EIF5B: variants seen among roughly 807,000 people sequenced by gnomAD.
The protein encoded by EIF5B is eIF-5B.
In EIF5B, 47 loss-of-function variants were observed where a neutral mutation model predicts 147.5. That is an observed-to-expected ratio of 0.32 (90% CI 0.25 to 0.41). EIF5B has a LOEUF of 0.41. EIF5B is among the 10% of genes least tolerant of loss of function. The pLI is 1.00. For missense variants in EIF5B, 1,064 were observed against 1,413.2 expected, an observed-to-expected ratio of 0.75 and a Z score of 3.96; for synonymous variants, 455 against 456.2, an observed-to-expected ratio of 1.00 and a Z score of 0.03.
At chr2:99,394,965 C>G in intron 21 of EIF5B, 82 bp downstream of exon 21, 1 of 1,300,198 alleles carries the variant, frequency 7.7e-7, no homozygotes, top group South Asian at 1.5e-5. Context: ...GGGCTGTAAA[C>G]AGCAAAATCA....
At chr2:99,384,196 C>CAAAAAAAAAAAAAAAA (rs770493783) in intron 14 of EIF5B, among the ~76,000 whole-genome samples, 1 of 117,510 alleles carries the variant, frequency 8.5e-6, no homozygotes, top group Non-Finnish European at 1.7e-5. Context: ...GACTCCGTCT[C>CAAAAAAAAAAAAAAAA]AAAAAAAAAA....
At chr2:99,338,055 A>G (rs2094248165) in intron 1 of EIF5B, among the ~76,000 whole-genome samples, 1 of 152,172 alleles carries the variant, frequency 6.6e-6, no homozygotes, top group South Asian at 2.1e-4. Context: ...CGTTAGAGTT[A>G]TGGGGAGGTG....
intron 1 of EIF5B, among the ~76,000 whole-genome samples, chr2:99,347,099 G>C (rs554364204): frequency 2.0e-5 from 3 of 152,116 alleles, no homozygotes; most frequent in East Asian, 3.9e-4. Context: ...TTGATCTCCT[G>C]GGCTTAAGTG....
In EIF5B at chr2:99,369,338, A is replaced by T. The variant is rs1221565152; in HGVS notation, c.1388-54A>T. On this transcript the variant is annotated intron_variant, in intron 7 of 23. Transcript: ENST00000289371. ...TATTCAGTACTTAATGGAGTATCTTAACAGAAATTATACACCAAAAAAAAT... is the reference window on the plus strand; with the variant it reads ...TATTCAGTACTTAATGGAGTATCTTTACAGAAATTATACACCAAAAAAAAT... 4.2e-6 allele frequency: 6 copies of T among 1,424,992 alleles called. No individual in the cohort carries two copies. The African/African-American group carries it at 8.6e-5, about 20-fold the overall frequency. The allele number at this position is 1,424,992 out of a possible 1,614,324, so 88.3% of individuals were successfully genotyped here.
chr2:99,362,826 T>G (rs902896153), intron 4 of EIF5B, among the ~76,000 whole-genome samples: 4 of 151,888 alleles, frequency 2.6e-5, no homozygotes, highest in Admixed American at 1.3e-4. Flanking sequence ...TGACACGATC[T>G]CAGCTCACTG....
At chr2:99,370,664 G>T (rs1674428034) in intron 8 of EIF5B, among the ~76,000 whole-genome samples, 1 of 152,148 alleles carries the variant, frequency 6.6e-6, no homozygotes, top group Non-Finnish European at 1.5e-5. Context: ...ACTTATGCAG[G>T]CTTGTTAGTA....
chr2:99,382,977 G>C (rs1674722304), intron 14 of EIF5B, 56 bp downstream of exon 14: 1 of 1,507,272 alleles, frequency 6.6e-7, no homozygotes, highest in African/African-American at 1.4e-5. Context: ...AATTTTTTGT[G>C]ATTAAAAAAA....
At chr2:99,352,755 G>A (rs1673998956) in intron 1 of EIF5B, among the ~76,000 whole-genome samples, 1 of 152,014 alleles carries the variant, frequency 6.6e-6, no homozygotes, top group Non-Finnish European at 1.5e-5. Flanking sequence ...GATTACAGGC[G>A]TGAGCTACTG....
chr2:99,382,900 C>A lies in EIF5B; in HGVS notation c.2250C>A (p.Pro750=). 6.2e-7 allele frequency: 1 copy of A among 1,609,332 alleles called. No homozygotes were observed. The highest frequency in any genetic ancestry group is 8.5e-7 in the Non-Finnish European group (1 of 1,178,620). The change falls in exon 14 of 24, where the codon CCC becomes CCA. Residue 750 remains proline, a synonymous_variant. Coordinates refer to ENST00000289371, the MANE Select transcript of EIF5B (RefSeq NM_015904.4). The part of the protein sequence containing the change: ...SINLLKSKKC[P]FIVALNKIDR... ...ACCTTCTCAAATCTAAAAAATGTCC[C>A]TTCATTGTTGCACTCAATAAGGTAT... is the stretch of plus-strand genomic sequence containing the variant.
Position 99,338,219 on chromosome 2 carries a change from G to T in EIF5B, c.35+630G>T, listed in dbSNP as rs1028975966. On this transcript the variant is annotated intron_variant, in intron 1 of 23. Coordinates refer to ENST00000289371, the MANE Select transcript of EIF5B (RefSeq NM_015904.4). The stretch of plus-strand genomic sequence containing the variant: ...GCTCTCTAGCCTTCCCCTAAGAAAG[G>T]AAGGGAAGAAGAAGAAACCAACCAA... 12 of 853,784 alleles carry T rather than the reference G, an allele frequency of 1.4e-5. No homozygotes were observed. The Admixed American group carries it at 2.6e-4, about 18-fold the overall frequency. 52.9% of individuals were successfully genotyped at this position (853,784 alleles called of 1,614,324 possible).
intron 17 of EIF5B, 23 bp from the exon 18 acceptor site, chr2:99,392,943 TA>T: frequency 7.1e-7 from 1 of 1,417,780 alleles, no homozygotes; most frequent in Non-Finnish European, 9.3e-7. Context: ...GTACATTTGG[TA>T]ACAAATGTTT....
At chr2:99,381,035 G>C (rs183174736) in intron 12 of EIF5B, among the ~76,000 whole-genome samples, 2 of 152,070 alleles carry the variant, frequency 1.3e-5, no homozygotes, top group Non-Finnish European at 2.9e-5. Flanking sequence ...GCCTATGATC[G>C]TTTTACATCT....
intron 6 of EIF5B, among the ~76,000 whole-genome samples, chr2:99,366,006 G>T (rs555339764): frequency 1.3e-5 from 2 of 152,298 alleles, no homozygotes; most frequent in South Asian, 4.1e-4. Flanking sequence ...GTAGGCATCT[G>T]CAGGTGTCTT....
At position 99,360,408 on chromosome 2, in the gene EIF5B, G is replaced by A. The variant is rs774127825; in HGVS notation, c.161+47G>A. The A allele has an allele frequency of 3.1e-6, 5 of 1,595,136 alleles. No individual in the cohort carries two copies. The East Asian group carries it at 1.1e-4, about 36-fold the overall frequency. ...TTGATTTTTATTTGTTTTGGTACTG[G>A]ATTCACTTAATAAAAACTATACCAG... On this transcript the variant is annotated intron_variant, in intron 2 of 23. Transcript: ENST00000289371.
chr2:99,358,767 G>A (rs1231363349), intron 1 of EIF5B, among the ~76,000 whole-genome samples: 2 of 152,108 alleles, frequency 1.3e-5, no homozygotes, highest in African/African-American at 4.8e-5. Flanking sequence ...TAAGAATAAG[G>A]TGCCTCTGAC....
intron 10 of EIF5B, among the ~76,000 whole-genome samples, chr2:99,378,585 A>T (rs923627401): frequency 6.6e-6 from 1 of 152,232 alleles, no homozygotes; most frequent in Admixed American, 6.5e-5. Flanking sequence ...AAAAATCTTT[A>T]AAATTCTTAG....
chr2:99,376,734 A>G (rs1254626050), intron 10 of EIF5B, 98 bp downstream of exon 10: 3 of 1,443,146 alleles, frequency 2.1e-6, no homozygotes, highest in Non-Finnish European at 2.7e-6. Flanking sequence ...CACTTTATGT[A>G]TTCTCAAGAA....
chr2:99,384,008 GACCAAGGTGAA>G (rs1674746256), intron 14 of EIF5B, among the ~76,000 whole-genome samples: 2 of 151,848 alleles, frequency 1.3e-5, no homozygotes, highest in South Asian at 4.2e-4. Context: ...AGGAGATCGA[GACCAAGGTGAA>G]ACCCCGTCTC....
intron 14 of EIF5B, among the ~76,000 whole-genome samples, chr2:99,386,684 C>T (rs1214796571): frequency 6.8e-6 from 1 of 146,336 alleles, no homozygotes; most frequent in Non-Finnish European, 1.5e-5. Context: ...TGCACCACCA[C>T]ACCCGGTTAG....
Sources: gnomAD v4.1 joint callset for allele counts (sites outside exome capture counted in the v4.1 genomes callset) on GRCh38, gnomAD v4.1.1 for gene constraint, MANE v1.5 for transcripts, NCBI Gene and HGNC (gene_info 2026-07-23, HGNC 2026-07-21) for gene names.